The following UBAP2 variants were observed in gnomAD, a reference collection of about 807,000 sequenced individuals.
UBAP2 encodes ubiquitin-associated protein 2.
A neutral mutation model predicts 139.6 loss-of-function variants in UBAP2; 75 were observed. The ratio of observed to expected loss-of-function variants is 0.54; its 90% CI spans 0.45 to 0.65. The LOEUF is 0.65. UBAP2 is among the 30% of genes least tolerant of loss of function. The probability of loss-of-function intolerance (pLI) is 0.00; values close to 1 mark genes in which losing one functional copy is unlikely to be tolerated. For synonymous variants in UBAP2, 526 were observed against 526.2 expected (o/e 1.00, Z 0.01); for missense variants, 1,368 against 1,369.6 (o/e 1.00, Z 0.02).
At chr9:33,989,668 T>C (rs990439449) in intron 4 of UBAP2, among the ~76,000 whole-genome samples, 1 of 152,220 alleles carries the variant, frequency 6.6e-6, no homozygotes, top group Non-Finnish European at 1.5e-5. Flanking sequence ...CAAAATACTG[T>C]ACATTTTCCC....
rs756075342 is a variant in UBAP2, at chr9:33,953,503, A to G, written c.867-29T>C. 2.5e-5 allele frequency: 40 copies of G among 1,589,180 alleles called. No homozygotes were observed. In the East Asian group the frequency reaches 7.0e-4, roughly 28 times the overall value. ...AGCAGACAAAAAGCAATGAGGAACCAGTCATAAGCAAATCTTACCAACAAA... is the reference window on the plus strand; with the variant it reads ...AGCAGACAAAAAGCAATGAGGAACCGGTCATAAGCAAATCTTACCAACAAA... On this transcript the variant is annotated intron_variant, in intron 11 of 28. Coordinates refer to ENST00000379238, the MANE Select transcript of UBAP2 (RefSeq NM_001370062.2).
At chr9:34,010,647 T>C (rs1295994710) in intron 2 of UBAP2, among the ~76,000 whole-genome samples, 1 of 152,116 alleles carries the variant, frequency 6.6e-6, no homozygotes, top group Non-Finnish European at 1.5e-5. Flanking sequence ...TCAACTTTTC[T>C]TCATCTGTGA....
chr9:33,979,878 A>C (rs1340630914), intron 6 of UBAP2, among the ~76,000 whole-genome samples: 1 of 151,460 alleles, frequency 6.6e-6, no homozygotes, highest in Non-Finnish European at 1.5e-5. Context: ...AAATAAATAA[A>C]TAAGTGTAAC....
chr9:34,030,078 G>A (rs1825758814), intron 1 of UBAP2, among the ~76,000 whole-genome samples: 4 of 151,224 alleles, frequency 2.6e-5, no homozygotes, highest in Admixed American at 2.6e-4. Flanking sequence ...TGGCAGGAGA[G>A]CAGTGTGGGG....
At chr9:34,038,143 G>GAAAAAAAAA (rs78650365) in intron 1 of UBAP2, among the ~76,000 whole-genome samples, 1 of 127,248 alleles carries the variant, frequency 7.9e-6, no homozygotes. Flanking sequence ...TCCAGCCTGG[G>GAAAAAAAAA]AAAAAAAAAA....
intron 8 of UBAP2, among the ~76,000 whole-genome samples, chr9:33,964,421 G>C (rs955880368): frequency 6.6e-6 from 1 of 152,148 alleles, no homozygotes. Context: ...GAGAGAGGAG[G>C]AAAGAGAAAA....
chr9:34,038,860 A>C, intron 1 of UBAP2, among the ~76,000 whole-genome samples: 1 of 115,324 alleles, frequency 8.7e-6, no homozygotes, highest in African/African-American at 3.4e-5. Context: ...CCGGCCGCCC[A>C]TCGTCTGAGA....
At chr9:33,944,907 C>A (rs1825537222) in intron 13 of UBAP2, among the ~76,000 whole-genome samples, 1 of 152,102 alleles carries the variant, frequency 6.6e-6, no homozygotes, top group South Asian at 2.1e-4. Flanking sequence ...TGGTGCTATA[C>A]ACACCTGACC....
At chr9:34,009,169 G>A (rs28772917) in intron 2 of UBAP2, among the ~76,000 whole-genome samples, 90,946 of 150,872 alleles carry the variant, frequency 0.6, 27,753 homozygotes, top group East Asian at 0.82. Flanking sequence ...GCACAGTCTC[G>A]GCTCACTGCA....
At position 33,971,606 on chromosome 9, in the gene UBAP2, G is replaced by A. The variant is rs201469863; in HGVS notation, c.679+45C>T. 6 of 1,097,474 alleles carry A rather than the reference G, an allele frequency of 5.5e-6. No individual in the cohort carries two copies. The Admixed American group carries it at 1.0e-4, about 19-fold the overall frequency. 68.0% of individuals were successfully genotyped at this position (1,097,474 alleles called of 1,614,324 possible). On this transcript the variant is annotated intron_variant, in intron 8 of 28. Transcript: ENST00000379238. ...GTATGAGAACATACAACTCTTAATA[G>A]CTCAAACATTTAAAACTCATCTCTG... is the stretch of plus-strand genomic sequence containing the variant.
At chr9:33,928,634 G>C (rs1823694861) in intron 19 of UBAP2, 1 of 152,444 alleles carries the variant, frequency 6.6e-6, no homozygotes, top group African/African-American at 2.4e-5. Flanking sequence ...GAGTGAACCA[G>C]CGGATGCTCC....
chr9:34,046,709 A>G (rs2131389555), intron 1 of UBAP2, among the ~76,000 whole-genome samples: 1 of 151,636 alleles, frequency 6.6e-6, no homozygotes, highest in South Asian at 2.1e-4. Context: ...ACCTTCAAGA[A>G]AGGTTTGTAC....
chr9:33,935,586 T>C, intron 17 of UBAP2: 1 of 528,518 alleles, frequency 1.9e-6, no homozygotes, highest in South Asian at 2.3e-5. Context: ...TTAAAATGCA[T>C]ACTGTATGCT....
At chr9:34,000,823 G>A (rs1001340091) in intron 2 of UBAP2, among the ~76,000 whole-genome samples, 1 of 152,162 alleles carries the variant, frequency 6.6e-6, no homozygotes, top group African/African-American at 2.4e-5. Context: ...ACAAACTCCA[G>A]GTGCTTTGGC....
chr9:33,955,914 T>C (rs1210296346), intron 11 of UBAP2, among the ~76,000 whole-genome samples, 165 bp downstream of exon 11: 1 of 149,464 alleles, frequency 6.7e-6, no homozygotes, highest in African/African-American at 2.5e-5. Flanking sequence ...AATTAGAAAA[T>C]GATTGAAGCT....
chr9:34,039,295 C>T (rs1271561562), intron 1 of UBAP2, among the ~76,000 whole-genome samples: 1 of 151,990 alleles, frequency 6.6e-6, no homozygotes, highest in African/African-American at 2.4e-5. Context: ...TCTGCCCGGC[C>T]ACCCCTTCTG....
Position 33,932,318 on chromosome 9 carries a change from G to A in UBAP2, c.2175+244C>T, listed in dbSNP as rs995428223. On this transcript the variant is annotated intron_variant, in intron 19 of 28. Transcript: ENST00000379238. ...AGCAAGGTCACCACCTGACACTCCT[G>A]CCAATGACAGATAAGGTCTGGAGCA... 7.9e-5 allele frequency among the ~76,000 whole-genome samples: 12 copies of A among 152,224 alleles called. 1 individual carries two copies. In the South Asian group the frequency reaches 2.3e-3, roughly 29 times the overall value.
At chr9:33,995,078 C>T (rs1822037463) in intron 4 of UBAP2, 1 of 151,980 alleles carries the variant, frequency 6.6e-6, no homozygotes, top group African/African-American at 2.4e-5. Flanking sequence ...AAACACAGGT[C>T]AGGTGTGGTG....
intron 6 of UBAP2, among the ~76,000 whole-genome samples, chr9:33,980,731 G>A (rs1444953630): frequency 2.6e-5 from 4 of 151,812 alleles, no homozygotes; most frequent in East Asian, 3.9e-4. Context: ...TGAGGTGGGC[G>A]GGTTGTTTGA....
Sources: allele counts gnomAD v4.1 joint callset (sites outside exome capture counted in the v4.1 genomes callset), GRCh38; gene constraint gnomAD v4.1.1; transcripts MANE v1.5; gene names NCBI Gene and HGNC (gene_info 2026-07-23, HGNC 2026-07-21).